The following NAV2 variants were observed in gnomAD, a reference collection of about 807,000 sequenced individuals.
NAV2 encodes the protein helicase, APC down-regulated 1.
A neutral mutation model predicts 223.2 loss-of-function variants in NAV2; 54 were observed. The observed-to-expected ratio is 0.24, with a 90% CI of 0.19 to 0.30. The LOEUF is 0.30. Ranked by LOEUF, NAV2 falls within the 10% of genes least tolerant of loss-of-function variation. The pLI is 1.00. For missense variants in NAV2, 2,806 were observed against 3,147.5 expected (o/e 0.89, Z 2.60); for synonymous variants, 1,279 against 1,239.3 (o/e 1.03, Z -0.67).
intron 8 of NAV2, among the ~76,000 whole-genome samples, chr11:19,944,136 G>A (rs892496656): frequency 3.9e-5 from 6 of 152,190 alleles, no homozygotes; most frequent in Non-Finnish European, 7.3e-5. Flanking sequence ...AGGAGGTGGA[G>A]GTTGCAGTGA....
chr11:19,473,768 C>G (rs1471506121), intron 1 of NAV2, among the ~76,000 whole-genome samples: 3 of 152,198 alleles, frequency 2.0e-5, no homozygotes, highest in Non-Finnish European at 4.4e-5. Flanking sequence ...GCACTGATGA[C>G]TGATAGTACA....
At chr11:19,448,019 G>A (rs1047847580) in intron 1 of NAV2, among the ~76,000 whole-genome samples, 1 of 152,182 alleles carries the variant, frequency 6.6e-6, no homozygotes, top group Non-Finnish European at 1.5e-5. Flanking sequence ...ACCACAAGTG[G>A]TTAAAGGAAG....
At chr11:20,014,858 C>T (rs1281675116) in intron 11 of NAV2, among the ~76,000 whole-genome samples, 1 of 152,142 alleles carries the variant, frequency 6.6e-6, no homozygotes, top group South Asian at 2.1e-4. Context: ...GCCAAGATCA[C>T]ACCACTGCAC....
chr11:19,759,088 C>A (rs1293411892), intron 1 of NAV2, among the ~76,000 whole-genome samples: 2 of 122,778 alleles, frequency 1.6e-5, no homozygotes, highest in Non-Finnish European at 1.6e-5. Flanking sequence ...ATCTGAAAGA[C>A]ACTTTTTTTT....
intron 1 of NAV2, among the ~76,000 whole-genome samples, chr11:19,498,211 A>G (rs1232131631): frequency 1.3e-5 from 2 of 151,894 alleles, no homozygotes; most frequent in East Asian, 3.9e-4. Context: ...CAACAGATCT[A>G]GGCAGCACCC....
At chr11:20,041,529 T>C (rs1211381323) in intron 12 of NAV2, among the ~76,000 whole-genome samples, 1 of 152,182 alleles carries the variant, frequency 6.6e-6, no homozygotes, top group Non-Finnish European at 1.5e-5. Flanking sequence ...ATAGGAACAT[T>C]AAAAGAATAA....
chr11:19,912,585 C>T (rs945665607), intron 6 of NAV2, among the ~76,000 whole-genome samples: 3 of 152,130 alleles, frequency 2.0e-5, no homozygotes, highest in African/African-American at 2.4e-5. Flanking sequence ...GAGTTCATGT[C>T]GAATACTCAT....
chr11:19,403,169 A>C (rs1459761907), intron 1 of NAV2, among the ~76,000 whole-genome samples: 3 of 152,256 alleles, frequency 2.0e-5, no homozygotes, highest in Non-Finnish European at 4.4e-5. Context: ...GGAAGCACCC[A>C]ACAGATGTCA....
At chr11:20,012,242 C>T (rs138651413) in intron 11 of NAV2, among the ~76,000 whole-genome samples, 2 of 152,202 alleles carry the variant, frequency 1.3e-5, no homozygotes, top group East Asian at 1.9e-4. Flanking sequence ...ATCTTTCTCT[C>T]TAAACTTAAG....
chr11:19,356,872 C>A (rs1853651843), intron 1 of NAV2, among the ~76,000 whole-genome samples: 1 of 152,162 alleles, frequency 6.6e-6, no homozygotes, highest in African/African-American at 2.4e-5. Context: ...TGACATTTTT[C>A]TGGACCTGAT....
chr11:20,017,907 A>G (rs1212710900), intron 11 of NAV2, among the ~76,000 whole-genome samples: 1 of 152,022 alleles, frequency 6.6e-6, no homozygotes, highest in Non-Finnish European at 1.5e-5. Flanking sequence ...TTAAACCTTT[A>G]TGTTTTCCTT....
At chr11:19,771,128 A>G (rs1247906509) in intron 1 of NAV2, among the ~76,000 whole-genome samples, 1 of 152,212 alleles carries the variant, frequency 6.6e-6, no homozygotes, top group Non-Finnish European at 1.5e-5. Flanking sequence ...TAATTATACC[A>G]ATGATAAGCC....
At chr11:19,850,400 T>A (rs1819241510) in intron 3 of NAV2, among the ~76,000 whole-genome samples, 1 of 152,200 alleles carries the variant, frequency 6.6e-6, no homozygotes, top group Non-Finnish European at 1.5e-5. Flanking sequence ...TGACTGGGCC[T>A]GTAGTCAGCA....
intron 1 of NAV2, among the ~76,000 whole-genome samples, chr11:19,495,755 G>C (rs1590332951): frequency 6.6e-6 from 1 of 151,984 alleles, no homozygotes; most frequent in East Asian, 1.9e-4. Flanking sequence ...ATTTTTATGT[G>C]TAATTTTATA....
At chr11:20,081,332 A>T (rs1276677047) in intron 25 of NAV2, among the ~76,000 whole-genome samples, 4 of 152,212 alleles carry the variant, frequency 2.6e-5, no homozygotes, top group Non-Finnish European at 4.4e-5. Flanking sequence ...CAATCGATAA[A>T]CATGGTCAGC....
In NAV2 at chr11:19,631,272, A is replaced by G. The variant is rs1332198131; in HGVS notation, c.76-201212A>G. ...CCCTCCCCCTTTCCCCCACCCCACA[A>G]CAGTCCCCGGCGTGTGATGTTCCCC... On this transcript the variant is annotated intron_variant, in intron 1 of 37. Coordinates refer to the NAV2 transcript ENST00000360655. Among the ~76,000 whole-genome samples the G allele has an allele frequency of 2.7e-5, 4 of 150,936 alleles. No individual in the cohort carries two copies. The East Asian group carries it at 7.8e-4, about 29-fold the overall frequency.
chr11:20,063,253 A>T (rs1410601349), intron 20 of NAV2, among the ~76,000 whole-genome samples: 1 of 152,238 alleles, frequency 6.6e-6, no homozygotes, highest in African/African-American at 2.4e-5. Flanking sequence ...GCACTCCTAA[A>T]TGCTAGCTAT....
intron 1 of NAV2, among the ~76,000 whole-genome samples, chr11:19,786,781 C>G (rs771669537): frequency 1.1e-4 from 17 of 152,112 alleles, no homozygotes; most frequent in Admixed American, 1.3e-4. Context: ...ACATAATTGG[C>G]TAGGGAGGCT....
At chr11:19,786,417 T>A (rs958588368) in intron 1 of NAV2, among the ~76,000 whole-genome samples, 1 of 152,234 alleles carries the variant, frequency 6.6e-6, no homozygotes, top group African/African-American at 2.4e-5. Flanking sequence ...CACTAAGTGT[T>A]CAATTAATGG....
Sources: allele counts gnomAD v4.1 joint callset (sites outside exome capture counted in the v4.1 genomes callset), GRCh38; gene constraint gnomAD v4.1.1; transcripts MANE v1.5; gene names NCBI Gene and HGNC (gene_info 2026-07-23, HGNC 2026-07-21).